Variants in CSMD1 observed in about 807,000 individuals in gnomAD.
The protein encoded by CSMD1 is CUB and Sushi multiple domains 1, also known as CUB and sushi domain-containing protein 1.
In CSMD1, 213 loss-of-function variants were observed where a neutral mutation model predicts 417.5. That is an observed-to-expected ratio of 0.51 (90% CI 0.46 to 0.57). The LOEUF is 0.57. Ranked by LOEUF, CSMD1 falls within the 20% of genes least tolerant of loss-of-function variation. The probability of loss-of-function intolerance (pLI) is 0.00; values close to 1 mark genes in which losing one functional copy is unlikely to be tolerated. For missense variants in CSMD1, 6,923 were observed against 4,529.7 expected (o/e 1.53, Z -15.17); for synonymous variants, 2,862 against 1,736.8 (o/e 1.65, Z -16.11).
chr8:2,965,220 T>G (rs1386741733), intron 59 of CSMD1, among the ~76,000 whole-genome samples: 1 of 152,160 alleles, frequency 6.6e-6, no homozygotes, highest in Non-Finnish European at 1.5e-5. Context: ...CCTTGATGAG[T>G]TGAGCCTGTC....
intron 1 of CSMD1, among the ~76,000 whole-genome samples, chr8:4,916,261 C>A (rs1393114902): frequency 6.7e-6 from 1 of 149,132 alleles, no homozygotes; most frequent in Non-Finnish European, 1.5e-5. Flanking sequence ...ACTACGATGA[C>A]AAGAACACGG....
chr8:4,117,944 T>C (rs1433953653), intron 3 of CSMD1, among the ~76,000 whole-genome samples: 2 of 59,218 alleles, frequency 3.4e-5, no homozygotes, highest in Admixed American at 4.4e-4. Context: ...TCAGGGCAAG[T>C]CAATAGGAAA....
chr8:3,027,132 A>G (rs907833455), intron 51 of CSMD1, among the ~76,000 whole-genome samples: 1 of 152,204 alleles, frequency 6.6e-6, no homozygotes, highest in Non-Finnish European at 1.5e-5. Flanking sequence ...AATGTTTAAA[A>G]TATATATAGT....
rs184742609 is a variant in CSMD1, at chr8:3,905,451, C to G, written c.818+92452G>C. 5.2e-3 allele frequency among the ~76,000 whole-genome samples: 794 copies of G among 152,282 alleles called. 6 individuals carry two copies. Among genetic ancestry groups the G allele is most frequent in the Middle Eastern group, 0.01 (3 of 294 alleles). On this transcript the variant is annotated intron_variant, in intron 5 of 69. Transcript: ENST00000635120. ...TCAAGTCACTGTGCAATGTAAGACC[C>G]CCCAACACGGGTCCAATGACGGTGA...
chr8:3,492,245 G>A (rs556238285), intron 11 of CSMD1, among the ~76,000 whole-genome samples: 2 of 152,248 alleles, frequency 1.3e-5, no homozygotes, highest in African/African-American at 4.8e-5. Context: ...CCAGTGGCAT[G>A]CCGCTGAGCT....
intron 1 of CSMD1, among the ~76,000 whole-genome samples, chr8:4,813,771 T>C (rs1345626183): frequency 2.0e-5 from 3 of 152,128 alleles, no homozygotes; most frequent in East Asian, 3.9e-4. Context: ...TTTGGAGTAA[T>C]TTTACTGTTG....
At position 3,681,976 on chromosome 8, in the gene CSMD1, C is replaced by A. The variant is rs555713027; in HGVS notation, c.1009+26438G>T. ...TATTCAACAAATGGTGCTGGGAAAA[C>A]TGGCTAGCCATATGTAGAAAGGTGA... On this transcript the variant is annotated intron_variant, in intron 7 of 69. Transcript: ENST00000635120. Among the ~76,000 whole-genome samples, 513 of 152,286 alleles carry A rather than the reference C, an allele frequency of 3.4e-3. 2 individuals are homozygous for A. The highest frequency in any genetic ancestry group is 2.9e-3 in the Non-Finnish European group (200 of 68,022).
intron 25 of CSMD1, among the ~76,000 whole-genome samples, chr8:3,304,567 C>T (rs758725797): frequency 6.6e-6 from 1 of 152,044 alleles, no homozygotes; most frequent in Non-Finnish European, 1.5e-5. Flanking sequence ...CCCTCTTAAG[C>T]TGCTTATTGG....
intron 11 of CSMD1, among the ~76,000 whole-genome samples, chr8:3,487,358 C>G (rs1024521222): frequency 1.1e-4 from 16 of 152,170 alleles, no homozygotes; most frequent in African/African-American, 3.1e-4. Context: ...CCCGCCACCA[C>G]GCCCGGCTAA....
intron 1 of CSMD1, among the ~76,000 whole-genome samples, chr8:4,669,983 T>C (rs1378554239): frequency 1.3e-5 from 2 of 152,136 alleles, no homozygotes. Context: ...GAGCTGAAGA[T>C]CTATTAACAC....
intron 3 of CSMD1, among the ~76,000 whole-genome samples, chr8:4,167,933 G>C (rs933329579): frequency 6.6e-6 from 1 of 151,924 alleles, no homozygotes; most frequent in Non-Finnish European, 1.5e-5. Flanking sequence ...TTCAAGACCA[G>C]CCTGGCCAGC....
chr8:4,419,898 T>C (rs1228294), intron 3 of CSMD1, 55 bp downstream of exon 3: 3 of 1,143,206 alleles, frequency 2.6e-6, no homozygotes, highest in South Asian at 1.3e-5. Flanking sequence ...CAGTGTAGCA[T>C]GTATTAGATC....
chr8:4,395,159 T>G (rs1438350541), intron 3 of CSMD1, among the ~76,000 whole-genome samples: 1 of 152,090 alleles, frequency 6.6e-6, no homozygotes, highest in East Asian at 1.9e-4. Flanking sequence ...CCTCTGACAC[T>G]CCCTTAGAAC....
At chr8:4,488,181 A>C (rs1312632214) in intron 2 of CSMD1, among the ~76,000 whole-genome samples, 1 of 152,230 alleles carries the variant, frequency 6.6e-6, no homozygotes, top group East Asian at 1.9e-4. Context: ...CAGAACTGTG[A>C]GAAATAAGTT....
At chr8:4,939,580 G>A (rs923787584) in intron 1 of CSMD1, among the ~76,000 whole-genome samples, 1 of 151,184 alleles carries the variant, frequency 6.6e-6, no homozygotes, top group Non-Finnish European at 1.5e-5. Flanking sequence ...CTTACATGTA[G>A]AATCTAAAAT....
intron 1 of CSMD1, among the ~76,000 whole-genome samples, chr8:4,765,223 T>A (rs1248958052): frequency 6.6e-6 from 1 of 152,180 alleles, no homozygotes; most frequent in Admixed American, 6.5e-5. Context: ...GCATAGCTCT[T>A]ACCTAGGCTG....
chr8:3,172,257 G>A (rs370427421), intron 37 of CSMD1, among the ~76,000 whole-genome samples: 1 of 151,702 alleles, frequency 6.6e-6, no homozygotes, highest in Non-Finnish European at 1.5e-5. Flanking sequence ...ATTTTTGTTT[G>A]TTTTGTTTCA....
At chr8:3,049,545 G>A (rs77803006) in intron 50 of CSMD1, among the ~76,000 whole-genome samples, 45,176 of 151,770 alleles carry the variant, frequency 0.3, 6,870 homozygotes, top group East Asian at 0.36. Context: ...CTATGGAGAT[G>A]AAAGATCAAG....
chr8:2,980,925 C>A (rs1805353214), intron 54 of CSMD1, among the ~76,000 whole-genome samples: 1 of 152,180 alleles, frequency 6.6e-6, no homozygotes, highest in Non-Finnish European at 1.5e-5. Context: ...AATAAATATT[C>A]CTTGAGCCCC....
Sources: allele counts gnomAD v4.1 joint callset (sites outside exome capture counted in the v4.1 genomes callset), GRCh38; gene constraint gnomAD v4.1.1; transcripts MANE v1.5; gene names NCBI Gene and HGNC (gene_info 2026-07-23, HGNC 2026-07-21).